Variants in DNAH9 observed in about 807,000 individuals in gnomAD.
The protein encoded by DNAH9 is dynein axonemal heavy chain 9, also known as DNAH9 variant protein.
Under a neutral mutation model 471.6 loss-of-function variants are expected in DNAH9, and 345 were observed. The ratio of observed to expected loss-of-function variants is 0.73; its 90% CI spans 0.67 to 0.80. The LOEUF (loss-of-function observed/expected upper bound fraction) is 0.80. Ranked by LOEUF, DNAH9 falls within the 30% of genes least tolerant of loss-of-function variation. DNAH9 has a pLI of 0.00. For missense variants in DNAH9, 5,407 were observed against 5,609.2 expected, an observed-to-expected ratio of 0.96 and a Z score of 1.15; for synonymous variants, 2,093 against 2,123.6, an observed-to-expected ratio of 0.99 and a Z score of 0.40.
chr17:11,671,884 G>GT (rs2073978355), intron 17 of DNAH9, among the ~76,000 whole-genome samples: 1 of 152,164 alleles, frequency 6.6e-6, no homozygotes, highest in African/African-American at 2.4e-5. Flanking sequence ...TGACTTTTGT[G>GT]TCCTTGGATC....
intron 4 of DNAH9, among the ~76,000 whole-genome samples, chr17:11,615,546 C>T (rs1158328883): frequency 6.6e-6 from 1 of 151,878 alleles, no homozygotes; most frequent in Non-Finnish European, 1.5e-5. Context: ...GACTGCACCA[C>T]TGCACTCCAG....
chr17:11,739,281 T>C (rs2075398000), intron 29 of DNAH9, among the ~76,000 whole-genome samples: 1 of 152,248 alleles, frequency 6.6e-6, no homozygotes, highest in South Asian at 2.1e-4. Context: ...CTACATAGTT[T>C]CGTGTTGTTT....
intron 60 of DNAH9, 42 bp downstream of exon 60, chr17:11,902,954 C>T: frequency 6.3e-7 from 1 of 1,581,826 alleles, no homozygotes; most frequent in Non-Finnish European, 8.6e-7. Flanking sequence ...AGGCATGGGG[C>T]AAGGGCAACC....
intron 67 of DNAH9, among the ~76,000 whole-genome samples, chr17:11,959,209 G>C (rs545947607): frequency 6.6e-6 from 1 of 152,282 alleles, no homozygotes; most frequent in Non-Finnish European, 1.5e-5. Context: ...AACAAGGCAA[G>C]GTTTTCCATC....
chr17:11,833,408 G>T (rs1970737688), intron 48 of DNAH9, among the ~76,000 whole-genome samples: 1 of 152,176 alleles, frequency 6.6e-6, no homozygotes, highest in Non-Finnish European at 1.5e-5. Context: ...CATTACTTGT[G>T]CTTAGCCACT....
At chr17:11,821,773 G>A (rs1220069024) in intron 45 of DNAH9, 147 bp from the exon 46 acceptor site, 1 of 803,014 alleles carries the variant, frequency 1.2e-6, no homozygotes, top group African/African-American at 1.7e-5. Flanking sequence ...GAGTAGACAT[G>A]GTGTCTGTCC....
chr17:11,924,269 C>G (rs1974238395), intron 62 of DNAH9, among the ~76,000 whole-genome samples: 1 of 152,198 alleles, frequency 6.6e-6, no homozygotes, highest in African/African-American at 2.4e-5. Context: ...TGGATGCTTT[C>G]AACAGCTGGT....
rs371080392 is a variant in DNAH9, at chr17:11,871,790, C to T, written c.10242+4C>T. 1.9e-6 allele frequency: 3 copies of T among 1,613,384 alleles called. No homozygotes were observed. Among genetic ancestry groups the T allele is most frequent in the East Asian group, 2.2e-5 (1 of 44,868 alleles). On this transcript the variant is annotated splice_donor_region_variant and intron_variant, in intron 52 of 68. Transcript: ENST00000262442. Reference sequence around the variant, plus strand: ...GCCCTACCTGAGCCAGCTGAAAGTACGTATGGCCTGAATTTCTCCCGACCA... The same window carrying T: ...GCCCTACCTGAGCCAGCTGAAAGTATGTATGGCCTGAATTTCTCCCGACCA...
chr17:11,952,394 A>G (rs902523043), intron 67 of DNAH9, among the ~76,000 whole-genome samples: 3 of 145,726 alleles, frequency 2.1e-5, no homozygotes, highest in Non-Finnish European at 3.0e-5. Context: ...CCGGGCTCAA[A>G]GTGCTCCTCC....
At chr17:11,939,523 G>C (rs1365729486) in intron 66 of DNAH9, among the ~76,000 whole-genome samples, 1 of 152,190 alleles carries the variant, frequency 6.6e-6, no homozygotes, top group African/African-American at 2.4e-5. Flanking sequence ...CAGTATCCCA[G>C]TATTTGGCCA....
At chr17:11,957,113 G>A (rs1305942521) in intron 67 of DNAH9, among the ~76,000 whole-genome samples, 2 of 152,034 alleles carry the variant, frequency 1.3e-5, no homozygotes, top group Non-Finnish European at 2.9e-5. Context: ...ACATTAAAAG[G>A]ATTATAAGAA....
chr17:11,758,221 T>C (rs1179572748), intron 35 of DNAH9, among the ~76,000 whole-genome samples: 1 of 152,174 alleles, frequency 6.6e-6, no homozygotes, highest in African/African-American at 2.4e-5. Flanking sequence ...CTTATAGGTT[T>C]GTAAAAGTAA....
At chr17:11,643,362 A>G (rs1321041011) in intron 10 of DNAH9, among the ~76,000 whole-genome samples, 2 of 152,186 alleles carry the variant, frequency 1.3e-5, no homozygotes, top group African/African-American at 4.8e-5. Flanking sequence ...TCATGTAAAA[A>G]CGTGAAGAAG....
Position 11,629,555 on chromosome 17 carries a change from T to G in DNAH9, c.1489T>G (p.Ser497Ala). The part of the protein sequence containing the change: ...QEMYRLLSGS[S>A]SDCLYLQSTD... ...GATGTACAGGCTTCTCTCAGGATCC[T>G]CCTCCGACTGCCTGTACCTCCAAAG... The change falls in exon 7 of 69, where the codon TCC becomes GCC. Residue 497 changes from serine to alanine, a missense_variant. By Grantham distance (99) the Ser-to-Ala change is moderately conservative. Transcript: ENST00000262442. 1 of 1,613,898 alleles carries G rather than the reference T, an allele frequency of 6.2e-7. No homozygotes were observed. Among genetic ancestry groups the G allele is most frequent in the Non-Finnish European group, 8.5e-7 (1 of 1,179,954 alleles).
chr17:11,665,840 A>G (rs1215142041), intron 15 of DNAH9, among the ~76,000 whole-genome samples: 1 of 152,224 alleles, frequency 6.6e-6, no homozygotes, highest in Non-Finnish European at 1.5e-5. Context: ...TGTAAAATAA[A>G]TAGTCCAAGG....
intron 62 of DNAH9, among the ~76,000 whole-genome samples, chr17:11,927,248 G>A (rs1056349670): frequency 2.0e-5 from 3 of 152,156 alleles, no homozygotes; most frequent in Non-Finnish European, 2.9e-5. Flanking sequence ...CTGGGAAGAA[G>A]CTCTTTAGTT....
chr17:11,633,431 T>C (rs2073104707), intron 8 of DNAH9, among the ~76,000 whole-genome samples: 1 of 152,212 alleles, frequency 6.6e-6, no homozygotes, highest in Admixed American at 6.5e-5. Flanking sequence ...TTCTGGGCAC[T>C]GAAAATGTTC....
At chr17:11,646,768 C>G (rs1351789687) in intron 11 of DNAH9, among the ~76,000 whole-genome samples, 1 of 152,092 alleles carries the variant, frequency 6.6e-6, no homozygotes, top group Non-Finnish European at 1.5e-5. Flanking sequence ...ACAAAATTAG[C>G]CAGGCGTGGT....
intron 43 of DNAH9, among the ~76,000 whole-genome samples, chr17:11,802,586 C>T (rs1038141396): frequency 1.0e-4 from 15 of 150,270 alleles, no homozygotes; most frequent in Admixed American, 6.7e-5. Context: ...GAGCCAAGAT[C>T]GTGCCGCTGC....
Sources: allele counts gnomAD v4.1 joint callset (sites outside exome capture counted in the v4.1 genomes callset), GRCh38; gene constraint gnomAD v4.1.1; transcripts MANE v1.5; gene names NCBI Gene and HGNC (gene_info 2026-07-23, HGNC 2026-07-21).